Variants in CPEB3 observed in about 807,000 individuals in gnomAD.
CPEB3 encodes cytoplasmic polyadenylation element-binding protein 3.
In CPEB3, 20 loss-of-function variants were observed where a neutral mutation model predicts 67.2. The observed-to-expected ratio is 0.30, with a 90% CI of 0.21 to 0.43. CPEB3 has a LOEUF of 0.43. Among genes scored for constraint, CPEB3 ranks in the 20% least tolerant of loss-of-function variants. CPEB3 has a pLI of 1.00. For synonymous variants in CPEB3, 376 were observed against 393.1 expected, an observed-to-expected ratio of 0.96 and a Z score of 0.51; for missense variants, 746 against 968.6, an observed-to-expected ratio of 0.77 and a Z score of 3.05.
At chr10:92,053,793 G>A (rs1349872401) in intron 9 of CPEB3, among the ~76,000 whole-genome samples, 4 of 151,804 alleles carry the variant, frequency 2.6e-5, no homozygotes, top group East Asian at 3.9e-4. Flanking sequence ...CACCCGCCTC[G>A]GCCTCCCAAA....
At position 92,106,814 on chromosome 10, in the gene CPEB3, C is replaced by CAAAAAAAAA. The variant is rs531195477; in HGVS notation, c.1572+4253_1572+4261dup. Among the ~76,000 whole-genome samples the CAAAAAAAAA allele has an allele frequency of 1.8e-3, 101 of 55,928 alleles. 1 individual carries two copies. The highest frequency in any genetic ancestry group is 5.7e-3 in the African/African-American group (66 of 11,540). 36.7% of individuals were successfully genotyped at this position (55,928 alleles called of 152,430 possible). On this transcript the variant is annotated intron_variant, in intron 7 of 9. Transcript: ENST00000265997. ...TAGGCAAAAGAGCAAGACTCTGTCT[C>CAAAAAAAAA]AAAAAAAAAAAAAAAAAAAAAAAAA...
chr10:92,052,508 A>T (rs1330646758), intron 9 of CPEB3, 69 bp from the exon 10 acceptor site: 1 of 1,329,358 alleles, frequency 7.5e-7, no homozygotes, highest in African/African-American at 1.4e-5. Context: ...TGCTTTTGAG[A>T]GTTTACACTA....
chr10:92,128,737 GA>G (rs1430681840), intron 6 of CPEB3, among the ~76,000 whole-genome samples: 2 of 152,024 alleles, frequency 1.3e-5, no homozygotes, highest in East Asian at 1.9e-4. Context: ...CAACAAACAT[GA>G]AAAAAAGCTC....
intron 1 of CPEB3, among the ~76,000 whole-genome samples, chr10:92,246,275 A>G (rs1402634724): frequency 6.6e-6 from 1 of 150,564 alleles, no homozygotes; most frequent in Non-Finnish European, 1.5e-5. Context: ...CGGAGCTTGC[A>G]GTGAGCCAAG....
chr10:92,184,966 A>G (rs1590330276), intron 3 of CPEB3, among the ~76,000 whole-genome samples: 3 of 152,340 alleles, frequency 2.0e-5, no homozygotes, highest in South Asian at 2.1e-4. Context: ...AATACATTGT[A>G]TATCTTAAGT....
intron 9 of CPEB3, among the ~76,000 whole-genome samples, chr10:92,055,745 GA>G (rs61360885): frequency 0.71 from 107,927 of 151,820 alleles, 38,546 homozygotes; most frequent in East Asian, 0.77. Flanking sequence ...TTAATATGGT[GA>G]AAAAAAAATT....
In CPEB3 at chr10:92,048,426, G is replaced by A. The variant is rs1852176094; in HGVS notation, c.*3786C>T. On this transcript the variant is annotated 3_prime_UTR_variant, in exon 10 of 10. Coordinates refer to ENST00000265997, the MANE Select transcript of CPEB3 (RefSeq NM_014912.5). This position sits in a 1 kb window ranked among gnomAD's most constrained non-coding sequence, Gnocchi z 4.1. ...ACACACACGACATAATGACGAGTTA[G>A]AGGGGAAAAAGCAATGAAACATTCT... 7.0e-6 allele frequency: 1 copy of A among 141,960 alleles called. No individual in the cohort carries two copies. Among genetic ancestry groups the A allele is most frequent in the Admixed American group, 6.8e-5 (1 of 14,776 alleles). The allele number at this position is 141,960 out of a possible 1,614,324, so 8.8% of individuals were successfully genotyped here.
intron 1 of CPEB3, among the ~76,000 whole-genome samples, chr10:92,261,523 C>T (rs1347771000): frequency 6.6e-6 from 1 of 152,196 alleles, no homozygotes; most frequent in Admixed American, 6.5e-5. Context: ...TCTCAGCTCA[C>T]TGCAACCTCT....
intron 2 of CPEB3, chr10:92,216,353 C>T (rs976462150): frequency 6.2e-7 from 1 of 1,607,376 alleles, no homozygotes; most frequent in Non-Finnish European, 8.5e-7. Flanking sequence ...AAAGGCAGAT[C>T]CCGAAGGGCC....
intron 6 of CPEB3, among the ~76,000 whole-genome samples, chr10:92,128,569 G>A (rs1845703845): frequency 6.6e-6 from 1 of 152,140 alleles, no homozygotes; most frequent in South Asian, 2.1e-4. Flanking sequence ...ACAACCTACA[G>A]AGTGAGAGAA....
intron 7 of CPEB3, among the ~76,000 whole-genome samples, chr10:92,109,256 A>ATT (rs777164003): frequency 2.8e-4 from 39 of 140,752 alleles, no homozygotes; most frequent in African/African-American, 9.1e-4. Context: ...TTGGGTACAG[A>ATT]TTTTTTTTTT....
intron 2 of CPEB3, among the ~76,000 whole-genome samples, chr10:92,235,084 A>G (rs1411383014): frequency 6.6e-6 from 1 of 152,192 alleles, no homozygotes; most frequent in Non-Finnish European, 1.5e-5. Flanking sequence ...TCACATTACT[A>G]CAATGGTCAA....
At position 92,221,468 on chromosome 10, in the gene CPEB3, G is replaced by C. The variant is rs920140207; in HGVS notation, c.1005+17878C>G. ...AGATCACGCCAGTGCACTCCAGCCT[G>C]GACAACAGAGCAAGACTCCATCTCA... On this transcript the variant is annotated intron_variant, in intron 2 of 9. Coordinates refer to ENST00000265997, the MANE Select transcript of CPEB3 (RefSeq NM_014912.5). Among the ~76,000 whole-genome samples the C allele has an allele frequency of 1.3e-5, 2 of 152,092 alleles. 1 individual carries two copies. The highest frequency in any genetic ancestry group is 4.1e-4 in the South Asian group (2 of 4,830).
At chr10:92,130,982 GTT>G (rs907827144) in intron 6 of CPEB3, among the ~76,000 whole-genome samples, 4 of 152,160 alleles carry the variant, frequency 2.6e-5, no homozygotes, top group African/African-American at 9.7e-5. Flanking sequence ...GCATTGAACA[GTT>G]TGAGGTGAAC....
intron 9 of CPEB3, among the ~76,000 whole-genome samples, chr10:92,070,163 C>T (rs1842701331): frequency 6.6e-6 from 1 of 152,114 alleles, no homozygotes; most frequent in South Asian, 2.1e-4. Context: ...ACATTATTTC[C>T]AAGAAATGAC....
intron 1 of CPEB3, among the ~76,000 whole-genome samples, chr10:92,244,441 GTTTTC>G (rs1391756962): frequency 7.0e-6 from 1 of 142,924 alleles, no homozygotes; most frequent in African/African-American, 2.4e-5. Flanking sequence ...AGTAGATACA[GTTTTC>G]TTTTTTTTTG....
intron 8 of CPEB3, among the ~76,000 whole-genome samples, chr10:92,084,400 T>G (rs1285585766): frequency 6.6e-6 from 1 of 152,228 alleles, no homozygotes; most frequent in East Asian, 1.9e-4. Context: ...TATATGTAGT[T>G]GCTTTTTTGG....
chr10:92,261,601 C>A (rs537838427), intron 1 of CPEB3, among the ~76,000 whole-genome samples: 2 of 152,214 alleles, frequency 1.3e-5, no homozygotes, highest in East Asian at 3.9e-4. Context: ...GCGCCCACCA[C>A]AATGTCTGGC....
At chr10:92,142,047 A>C (rs1449098995) in intron 6 of CPEB3, among the ~76,000 whole-genome samples, 3 of 151,688 alleles carry the variant, frequency 2.0e-5, no homozygotes, top group African/African-American at 7.3e-5. Context: ...AACAAAAAAA[A>C]AAAAAACAAA....
Sources: allele counts gnomAD v4.1 joint callset (sites outside exome capture counted in the v4.1 genomes callset), GRCh38; gene constraint gnomAD v4.1.1; non-coding constraint Gnocchi (gnomAD v3.1); transcripts MANE v1.5; gene names NCBI Gene and HGNC (gene_info 2026-07-23, HGNC 2026-07-21).